Variants in ATXN1 observed in about 807,000 individuals in gnomAD.
ATXN1 encodes ataxin-1.
Under a neutral mutation model 56.4 loss-of-function variants are expected in ATXN1, and 8 were observed. The ratio of observed to expected loss-of-function variants is 0.14; its 90% CI spans 0.08 to 0.26. The LOEUF is 0.26. Ranked by LOEUF, ATXN1 falls within the 10% of genes least tolerant of loss-of-function variation. The pLI is 1.00. For synonymous variants in ATXN1, 514 were observed against 494.6 expected (o/e 1.04, Z -0.52); for missense variants, 987 against 1,106.5 (o/e 0.89, Z 1.53).
chr6:16,700,642 C>T (rs936769340), intron 2 of ATXN1, among the ~76,000 whole-genome samples: 1 of 152,102 alleles, frequency 6.6e-6, no homozygotes. Flanking sequence ...CCAGCTTCAG[C>T]CTCCTTTGGC....
intron 6 of ATXN1, among the ~76,000 whole-genome samples, chr6:16,363,791 A>C (rs1250452457): frequency 6.6e-6 from 1 of 152,190 alleles, no homozygotes; most frequent in African/African-American, 2.4e-5. Context: ...TGAGTTAGTA[A>C]GCATTTCGTT....
intron 6 of ATXN1, among the ~76,000 whole-genome samples, chr6:16,449,616 C>T (rs1179917997): frequency 1.3e-5 from 2 of 152,172 alleles, no homozygotes; most frequent in Non-Finnish European, 1.5e-5. Flanking sequence ...CTCCAAATCG[C>T]AGGCTTACCA....
intron 6 of ATXN1, among the ~76,000 whole-genome samples, chr6:16,421,939 C>G (rs2113567054): frequency 6.6e-6 from 1 of 152,304 alleles, no homozygotes; most frequent in South Asian, 2.1e-4. Flanking sequence ...ACCTTTAAGC[C>G]CATTTCATGG....
chr6:16,588,781 A>G (rs779955729), intron 3 of ATXN1, among the ~76,000 whole-genome samples: 8 of 152,206 alleles, frequency 5.3e-5, no homozygotes, highest in Non-Finnish European at 7.3e-5. Flanking sequence ...TAAATGAGCC[A>G]AAGAAGGAGG....
chr6:16,389,855 A>G (rs1278334873), intron 6 of ATXN1, among the ~76,000 whole-genome samples: 2 of 152,156 alleles, frequency 1.3e-5, no homozygotes, highest in Admixed American at 6.5e-5. Context: ...TTCCAACAGC[A>G]GGTGTCATGT....
chr6:16,521,040 G>C (rs775537526), intron 5 of ATXN1, among the ~76,000 whole-genome samples: 7 of 152,194 alleles, frequency 4.6e-5, no homozygotes, highest in Non-Finnish European at 7.3e-5. Flanking sequence ...CTCCCTAGGT[G>C]AGATGAAATG....
At chr6:16,644,773 A>C (rs1469636738) in intron 3 of ATXN1, among the ~76,000 whole-genome samples, 1 of 152,040 alleles carries the variant, frequency 6.6e-6, no homozygotes, top group African/African-American at 2.4e-5. Flanking sequence ...CTCACCAGGA[A>C]AGTAGAGGTC....
intron 5 of ATXN1, among the ~76,000 whole-genome samples, chr6:16,504,811 T>A (rs1489224978): frequency 6.6e-6 from 1 of 152,166 alleles, no homozygotes; most frequent in Non-Finnish European, 1.5e-5. Flanking sequence ...AGTGTTAAGC[T>A]GTTCCTGACG....
chr6:16,488,890 G>A (rs1034038688), intron 5 of ATXN1, among the ~76,000 whole-genome samples: 11 of 152,148 alleles, frequency 7.2e-5, no homozygotes, highest in Non-Finnish European at 1.2e-4. Flanking sequence ...TCAGAAAGGA[G>A]AGAGAGAACA....
At position 16,603,086 on chromosome 6, in the gene ATXN1, TG is replaced by T. The variant is rs993803930; in HGVS notation, c.-488-17180del. Among the ~76,000 whole-genome samples the T allele has an allele frequency of 3.9e-5, 6 of 152,318 alleles. No homozygotes were observed. The East Asian group carries it at 9.6e-4, about 24-fold the overall frequency. On this transcript the variant is annotated intron_variant, in intron 3 of 7. Coordinates refer to ENST00000436367, the MANE Select transcript of ATXN1 (RefSeq NM_001128164.2). The stretch of plus-strand genomic sequence containing the variant: ...AAAATAAAAGATAAAAGCAGCCGAC[TG>T]GGATTGACCCAGCCACCTCTGCTAA...
intron 2 of ATXN1, among the ~76,000 whole-genome samples, chr6:16,745,712 G>T (rs4712292): frequency 0.041 from 6,260 of 152,126 alleles, 237 homozygotes; most frequent in Admixed American, 0.1. Context: ...GGTTAGTGGA[G>T]GGTGCTTAGT....
chr6:16,599,203 A>C lies in ATXN1; in HGVS notation c.-488-13296T>G, dbSNP rs1047793170. Among the ~76,000 whole-genome samples, 6 of 152,262 alleles carry C rather than the reference A, an allele frequency of 3.9e-5. No individual in the cohort carries two copies. The East Asian group carries it at 9.7e-4, about 25-fold the overall frequency. On this transcript the variant is annotated intron_variant, in intron 3 of 7. Coordinates refer to ENST00000436367, the MANE Select transcript of ATXN1 (RefSeq NM_001128164.2). ...GATCAGTCTTCCTTCACCTCACTCT[A>C]AAGGGCCAGCCATCATTGCCTTCCA...
intron 3 of ATXN1, among the ~76,000 whole-genome samples, chr6:16,603,556 C>T (rs532372676): frequency 1.3e-5 from 2 of 152,292 alleles, no homozygotes; most frequent in South Asian, 4.1e-4. Flanking sequence ...CCAGGCAGGC[C>T]CCCACCATAA....
Position 16,326,774 on chromosome 6 carries a change from G to C in ATXN1, c.1537C>G (p.Pro513Ala). Reference sequence around the variant, plus strand: ...GTGTGAGGCACTGCAGCAAACTGGGGGGATGACGTGACTATGGCCGGGGCT... The same window carrying C: ...GTGTGAGGCACTGCAGCAAACTGGGCGGATGACGTGACTATGGCCGGGGCT... The part of the protein sequence containing the change: ...GAAPAIVTSS[P>A]QFAAVPHTFV... The change falls in exon 7 of 8, where the codon CCC (proline) becomes GCC (alanine). Residue 513 changes from proline (P) to alanine (A), a missense_variant. Pro to Ala is a conservative substitution (Grantham distance 27). This residue lies in a region of ATXN1 where 723 missense variants were observed against 791.7 expected (regional missense o/e 0.91). Coordinates refer to ENST00000436367, the MANE Select transcript of ATXN1 (RefSeq NM_001128164.2). This position sits in a 1 kb window ranked among gnomAD's most constrained non-coding sequence, Gnocchi z 6.6. 1 of 1,612,424 alleles carries C rather than the reference G, an allele frequency of 6.2e-7. No homozygotes were observed. Among genetic ancestry groups the C allele is most frequent in the African/African-American group, 1.3e-5 (1 of 75,038 alleles).
At chr6:16,761,260 G>A (rs1015605825) in intron 1 of ATXN1, 38 bp downstream of exon 1, 7 of 435,206 alleles carry the variant, frequency 1.6e-5, no homozygotes, top group Admixed American at 4.8e-5. Context: ...GGGGGAGGGG[G>A]GAAAGAATCG....
At chr6:16,643,292 C>T (rs977055801) in intron 3 of ATXN1, among the ~76,000 whole-genome samples, 3 of 151,180 alleles carry the variant, frequency 2.0e-5, no homozygotes, top group African/African-American at 7.3e-5. Flanking sequence ...TGAGCTATGC[C>T]TGTGTCTAAA....
intron 6 of ATXN1, among the ~76,000 whole-genome samples, chr6:16,464,935 G>A (rs1419855351): frequency 1.3e-5 from 2 of 152,154 alleles, no homozygotes; most frequent in Admixed American, 1.3e-4. Context: ...TTCAACAAAT[G>A]TAAGATGCAA....
chr6:16,521,810 A>C (rs1366922583), intron 5 of ATXN1, among the ~76,000 whole-genome samples: 2 of 152,182 alleles, frequency 1.3e-5, no homozygotes, highest in Non-Finnish European at 1.5e-5. Flanking sequence ...AGTGGTTTGG[A>C]AAGGGCGCAG....
rs116998029 is a variant in ATXN1, at chr6:16,345,822, G to A, written c.-160-17352C>T. Among the ~76,000 whole-genome samples, 74 of 152,270 alleles carry A rather than the reference G, an allele frequency of 4.9e-4. 1 individual carries two copies. The East Asian group carries it at 8.7e-3, about 18-fold the overall frequency. On this transcript the variant is annotated intron_variant, in intron 6 of 7. Transcript: ENST00000436367. ...CAGCAGCCTCTCCTGGGGCTCACAT[G>A]CGGCCCAGCACAAAGCCAATGGAAC... is the stretch of plus-strand genomic sequence containing the variant.
Sources: gnomAD v4.1 joint callset for allele counts (sites outside exome capture counted in the v4.1 genomes callset) on GRCh38, gnomAD v4.1.1 for gene constraint, gnomAD v4.1.1 regional missense constraint, Gnocchi (gnomAD v3.1) non-coding constraint, MANE v1.5 for transcripts, NCBI Gene and HGNC (gene_info 2026-07-23, HGNC 2026-07-21) for gene names.